Variants in PPP3CC observed in about 807,000 individuals in gnomAD.
The protein encoded by PPP3CC is protein phosphatase 3 catalytic subunit gamma.
In PPP3CC, 35 loss-of-function variants were observed where a neutral mutation model predicts 60.3. The observed-to-expected ratio is 0.58, with a 90% CI of 0.44 to 0.77. PPP3CC has a LOEUF of 0.77. Among genes scored for constraint, PPP3CC ranks in the 30% least tolerant of loss-of-function variants. The probability of loss-of-function intolerance (pLI) is 0.00; values close to 1 mark genes in which losing one functional copy is unlikely to be tolerated. For synonymous variants in PPP3CC, 206 were observed against 224.3 expected (o/e 0.92, Z 0.73); for missense variants, 570 against 628.9 (o/e 0.91, Z 1.00).
At chr8:22,470,090 A>C (rs1383333683) in intron 1 of PPP3CC, among the ~76,000 whole-genome samples, 2 of 151,622 alleles carry the variant, frequency 1.3e-5, no homozygotes, top group African/African-American at 4.8e-5. Flanking sequence ...ACACACATAC[A>C]TATATATATG....
chr8:22,530,392 T>A (rs1255112660), intron 10 of PPP3CC, among the ~76,000 whole-genome samples: 1 of 151,526 alleles, frequency 6.6e-6, no homozygotes, highest in African/African-American at 2.4e-5. Flanking sequence ...GAGGCAGAGG[T>A]TGCAATGAGC....
intron 8 of PPP3CC, among the ~76,000 whole-genome samples, chr8:22,525,539 TC>T (rs1563780666): frequency 0.064 from 3,881 of 60,256 alleles, 82 homozygotes; most frequent in East Asian, 0.14. Context: ...TCTTTCTTTC[TC>T]TCCCTCTCTC....
chr8:22,483,721 T>C (rs1324299080), intron 3 of PPP3CC, among the ~76,000 whole-genome samples: 1 of 152,244 alleles, frequency 6.6e-6, no homozygotes, highest in African/African-American at 2.4e-5. Context: ...CTTTGTCCTG[T>C]ATTTCCTTTC....
chr8:22,454,980 C>T (rs186409588), intron 1 of PPP3CC, among the ~76,000 whole-genome samples: 4,745 of 148,770 alleles, frequency 0.032, 125 homozygotes, highest in South Asian at 0.13. Context: ...GGCATGAACC[C>T]GGGAGGCAGA....
In PPP3CC at chr8:22,475,569, A is replaced by C; in HGVS notation, c.317A>C (p.Asn106Thr). Residue 106 changes from asparagine (N) to threonine (T), a missense_variant, in exon 3 of 14, where the codon AAC becomes ACC. By Grantham distance (65) the Asn-to-Thr change is moderately conservative (BLOSUM62 0). Coordinates refer to ENST00000240139, the MANE Select transcript of PPP3CC (RefSeq NM_005605.5). ...TTTGAAGTTGGAGGATCACCTAGTA[A>C]CACACGCTACCTCTTTCTGGGTGAC... is the stretch of plus-strand genomic sequence containing the variant. ...KLFEVGGSPS[N>T]TRYLFLGDYV... The C allele has an allele frequency of 6.2e-7, 1 of 1,613,024 alleles. No homozygotes were observed.
chr8:22,468,061 A>G (rs754133440), intron 1 of PPP3CC, among the ~76,000 whole-genome samples: 2 of 152,186 alleles, frequency 1.3e-5, no homozygotes, highest in African/African-American at 4.8e-5. Flanking sequence ...CATTCAAATC[A>G]TAGCAGCTGT....
intron 3 of PPP3CC, among the ~76,000 whole-genome samples, chr8:22,481,350 A>G (rs1838062085): frequency 1.8e-5 from 1 of 54,246 alleles, no homozygotes; most frequent in South Asian, 9.1e-4. Context: ...AAAATAAATA[A>G]TAATAATAAT....
intron 1 of PPP3CC, among the ~76,000 whole-genome samples, chr8:22,460,821 A>C (rs1226428330): frequency 6.6e-6 from 1 of 152,128 alleles, no homozygotes; most frequent in African/African-American, 2.4e-5. Context: ...CCCTGTGTCT[A>C]AAAATGAAAA....
At chr8:22,515,144 T>G (rs564840872) in intron 6 of PPP3CC, among the ~76,000 whole-genome samples, 247 of 152,292 alleles carry the variant, frequency 1.6e-3, no homozygotes, top group African/African-American at 5.7e-3. Flanking sequence ...CAGCCTCTGG[T>G]AACCATCATT....
chr8:22,510,922 C>CT (rs1240001129), intron 4 of PPP3CC, 164 bp from the exon 5 acceptor site: 3 of 688,320 alleles, frequency 4.4e-6, no homozygotes, highest in African/African-American at 1.8e-5. Context: ...TATTGTTAAC[C>CT]TATTATCCAC....
At chr8:22,477,016 A>G (rs961303937) in intron 3 of PPP3CC, among the ~76,000 whole-genome samples, 8 of 152,128 alleles carry the variant, frequency 5.3e-5, no homozygotes, top group Middle Eastern at 3.4e-3. Flanking sequence ...AGTTAAAGGT[A>G]TAAACTGACA....
chr8:22,467,654 C>G (rs1476344467), intron 1 of PPP3CC, among the ~76,000 whole-genome samples: 7 of 152,162 alleles, frequency 4.6e-5, no homozygotes. Flanking sequence ...TGGTTTTGAA[C>G]TCGACCTTAT....
intron 3 of PPP3CC, among the ~76,000 whole-genome samples, chr8:22,496,609 T>C (rs1450559527): frequency 1.3e-5 from 2 of 150,570 alleles, no homozygotes; most frequent in African/African-American, 4.9e-5. Context: ...GTGATTCTTT[T>C]GCCTCAGCCT....
chr8:22,488,229 T>C (rs1233923835), intron 3 of PPP3CC, among the ~76,000 whole-genome samples: 1 of 152,210 alleles, frequency 6.6e-6, no homozygotes, highest in Non-Finnish European at 1.5e-5. Flanking sequence ...AATTTTTCCT[T>C]GGAATATTTT....
intron 3 of PPP3CC, among the ~76,000 whole-genome samples, chr8:22,494,188 C>A (rs1445984535): frequency 2.0e-5 from 3 of 152,188 alleles, no homozygotes; most frequent in Middle Eastern, 3.4e-3. Context: ...AAATTGGGAA[C>A]AAAAAGAGGT....
At chr8:22,482,573 C>T (rs560228467) in intron 3 of PPP3CC, among the ~76,000 whole-genome samples, 1 of 152,200 alleles carries the variant, frequency 6.6e-6, no homozygotes, top group South Asian at 2.1e-4. Flanking sequence ...CTTTTGTTGC[C>T]ATTGCTTTTG....
chr8:22,448,349 G>GTA (rs1319173737), intron 1 of PPP3CC, among the ~76,000 whole-genome samples: 1 of 150,978 alleles, frequency 6.6e-6, no homozygotes, highest in East Asian at 1.9e-4. Flanking sequence ...TGAATATGGT[G>GTA]TATATATTAG....
At chr8:22,516,703 C>G (rs1199955494) in intron 6 of PPP3CC, among the ~76,000 whole-genome samples, 1 of 152,122 alleles carries the variant, frequency 6.6e-6, no homozygotes, top group Non-Finnish European at 1.5e-5. Flanking sequence ...AACAGGCATT[C>G]TTTTGAGTTT....
At chr8:22,456,585 A>C (rs1837202340) in intron 1 of PPP3CC, among the ~76,000 whole-genome samples, 3 of 152,148 alleles carry the variant, frequency 2.0e-5, no homozygotes, top group Admixed American at 2.0e-4. Context: ...GGTACAGTCC[A>C]TAGAGCTTGT....
Sources: allele counts gnomAD v4.1 joint callset (sites outside exome capture counted in the v4.1 genomes callset), GRCh38; gene constraint gnomAD v4.1.1; transcripts MANE v1.5; gene names NCBI Gene and HGNC (gene_info 2026-07-23, HGNC 2026-07-21).